Variants in MAP3K19 observed in about 807,000 individuals in gnomAD.
MAP3K19 encodes the protein mitogen-activated protein kinase kinase kinase 19.
A neutral mutation model predicts 114.4 loss-of-function variants in MAP3K19; 91 were observed. The ratio of observed to expected loss-of-function variants is 0.80; its 90% CI spans 0.67 to 0.95. The LOEUF is 0.95. Among genes scored for constraint, MAP3K19 ranks in the 40% least tolerant of loss-of-function variants. The pLI is 0.00. For missense variants in MAP3K19, 1,471 were observed against 1,573.2 expected (o/e 0.94, Z 1.10); for synonymous variants, 518 against 530.5 (o/e 0.98, Z 0.32).
intron 10 of MAP3K19, 62 bp from the exon 11 acceptor site, chr2:134,983,887 G>C: frequency 8.6e-7 from 1 of 1,167,184 alleles, no homozygotes; most frequent in Non-Finnish European, 1.2e-6. Flanking sequence ...TGGAGAGAAA[G>C]GGGTGAGAGT....
intron 2 of MAP3K19, among the ~76,000 whole-genome samples, chr2:135,039,337 C>G (rs1040451092): frequency 1.1e-4 from 16 of 151,530 alleles, no homozygotes; most frequent in African/African-American, 3.6e-4. Flanking sequence ...AATACCAGCA[C>G]TTTGTGAGGC....
chr2:135,018,374 T>C (rs1365534591), intron 5 of MAP3K19, among the ~76,000 whole-genome samples: 1 of 151,850 alleles, frequency 6.6e-6, no homozygotes, highest in Non-Finnish European at 1.5e-5. Flanking sequence ...GGGCCTCTTG[T>C]TGGCCAGGCT....
intron 5 of MAP3K19, among the ~76,000 whole-genome samples, chr2:135,019,500 A>T (rs1005580635): frequency 3.3e-5 from 5 of 152,128 alleles, no homozygotes; most frequent in African/African-American, 7.2e-5. Context: ...AAAATTTTTT[A>T]AATTAGCTGG....
chr2:135,037,674 T>C (rs1332295614), intron 2 of MAP3K19, among the ~76,000 whole-genome samples: 2 of 152,186 alleles, frequency 1.3e-5, no homozygotes, highest in Non-Finnish European at 2.9e-5. Context: ...ATTTGTATAG[T>C]GAATGGCCTT....
chr2:135,011,515 C>T (rs1006389435), intron 5 of MAP3K19, among the ~76,000 whole-genome samples: 3 of 128,668 alleles, frequency 2.3e-5, no homozygotes, highest in African/African-American at 6.2e-5. Flanking sequence ...CCAGCCTGGG[C>T]GACAGAGCGA....
Position 134,986,111 on chromosome 2 carries a change from G to T in MAP3K19, c.2761C>A (p.Gln921Lys), listed in dbSNP as rs1445985197. ...KQESASSQTY[Q>K]YWVHYLDHDS... ...TGATCCAAATAATGTACCCAATATT[G>T]ATATGTCTGGGAAGATGCACTTTCT... The change falls in exon 10 of 13, where the codon CAA becomes AAA. Residue 921 changes from glutamine (Q) to lysine (K), a missense_variant. Physicochemically the swap from Gln to Lys is moderately conservative, Grantham distance 53. Transcript: ENST00000392915. 1 of 1,613,816 alleles carries T rather than the reference G, an allele frequency of 6.2e-7. No individual in the cohort carries two copies. Among genetic ancestry groups the T allele is most frequent in the Non-Finnish European group, 8.5e-7 (1 of 1,179,862 alleles).
At chr2:135,001,097 C>G (rs1054289979) in intron 6 of MAP3K19, among the ~76,000 whole-genome samples, 2 of 150,506 alleles carry the variant, frequency 1.3e-5, no homozygotes, top group Admixed American at 1.3e-4. Flanking sequence ...ATTTTTATAC[C>G]TGTGCCATTT....
intron 8 of MAP3K19, 41 bp from the exon 9 acceptor site, chr2:134,991,621 G>A: frequency 1.3e-6 from 2 of 1,534,052 alleles, no homozygotes; most frequent in Non-Finnish European, 1.8e-6. Context: ...CTTAGTAGTA[G>A]AAAGAAAACA....
At chr2:135,020,463 G>A (rs1574037274) in intron 5 of MAP3K19, among the ~76,000 whole-genome samples, 1 of 152,218 alleles carries the variant, frequency 6.6e-6, no homozygotes, top group Non-Finnish European at 1.5e-5. Flanking sequence ...GCGACTACAG[G>A]CGTGTGCCAT....
intron 8 of MAP3K19, among the ~76,000 whole-genome samples, chr2:134,992,404 A>G (rs965197725): frequency 3.3e-5 from 5 of 152,074 alleles, no homozygotes; most frequent in African/African-American, 4.8e-5. Context: ...TCTTACCAAA[A>G]AGTCAGAATG....
intron 12 of MAP3K19, among the ~76,000 whole-genome samples, chr2:134,975,642 G>A (rs1684187188): frequency 6.6e-6 from 1 of 152,164 alleles, no homozygotes; most frequent in Non-Finnish European, 1.5e-5. Flanking sequence ...CCTGCTACTG[G>A]TGGAAGCAGA....
At chr2:135,029,935 A>T (rs911979135) in intron 3 of MAP3K19, among the ~76,000 whole-genome samples, 1 of 152,242 alleles carries the variant, frequency 6.6e-6, no homozygotes, top group Non-Finnish European at 1.5e-5. Context: ...CAGGATAAAG[A>T]TAATAACAGC....
At chr2:134,973,242 A>G (rs951275837) in intron 12 of MAP3K19, among the ~76,000 whole-genome samples, 1 of 152,220 alleles carries the variant, frequency 6.6e-6, no homozygotes, top group Non-Finnish European at 1.5e-5. Context: ...GTCCCCATCT[A>G]TGATTGTATT....
Position 135,024,606 on chromosome 2 carries a change from T to G in MAP3K19, c.22+20A>C, listed in dbSNP as rs1226663501. On this transcript the variant is annotated intron_variant, in intron 4 of 12. Coordinates refer to ENST00000392915, the MANE Select transcript of MAP3K19 (RefSeq NM_025052.5). ...AATTTTTGGGTTGGGAAATTATGCATGTGGAGTGAAAGTATTTACCTGGTT... is the reference window on the plus strand; with the variant it reads ...AATTTTTGGGTTGGGAAATTATGCAGGTGGAGTGAAAGTATTTACCTGGTT... 3 of 1,611,242 alleles carry G rather than the reference T, an allele frequency of 1.9e-6. No homozygotes were observed. The highest frequency in any genetic ancestry group is 2.5e-6 in the Non-Finnish European group (3 of 1,177,548).
Position 134,986,791 on chromosome 2 carries a change from C to T in MAP3K19, c.2081G>A (p.Gly694Asp), listed in dbSNP as rs746521424. Residue 694 changes from glycine to aspartate, a missense_variant, in exon 10 of 13, where the codon GGC becomes GAC. Transcript: ENST00000392915. The part of the protein sequence containing the change: ...YYREICSAPS[G>D]RRITNKCRSS... ...TCGACATTTATTGGTGATACGTCTG[C>T]CTGATGGAGCCGAACATATCTCACG... is the stretch of plus-strand genomic sequence containing the variant. 8.1e-6 allele frequency: 13 copies of T among 1,614,020 alleles called. No individual in the cohort carries two copies. The East Asian group carries it at 2.9e-4, about 36-fold the overall frequency.
Position 134,986,438 on chromosome 2 carries a change from C to T in MAP3K19, c.2434G>A (p.Glu812Lys), listed in dbSNP as rs1194442908. 4 of 1,613,908 alleles carry T rather than the reference C, an allele frequency of 2.5e-6. No homozygotes were observed. The highest frequency in any genetic ancestry group is 2.5e-6 in the Non-Finnish European group (3 of 1,180,044). Reference sequence around the variant, plus strand: ...CCAGTAGACTCTTCCATAGAAACTTCTTCAACAATGGATAAATCTGAGACA... The same window carrying T: ...CCAGTAGACTCTTCCATAGAAACTTTTTCAACAATGGATAAATCTGAGACA... ...PPVSDLSIVE[E>K]VSMEESTGDR... The change falls in exon 10 of 13, where the codon GAA becomes AAA. Residue 812 changes from glutamate to lysine, a missense_variant. Physicochemically the swap from Glu to Lys is moderately conservative, Grantham distance 56. Transcript: ENST00000392915.
In MAP3K19 at chr2:134,980,837, G is replaced by T; in HGVS notation, c.3904C>A (p.Arg1302Ser). The T allele has an allele frequency of 2.5e-6, 4 of 1,613,390 alleles. No homozygotes were observed. In the East Asian group the frequency reaches 6.7e-5, roughly 27 times the overall value. The change falls in exon 12 of 13, where the codon CGC becomes AGC. Residue 1302 changes from arginine to serine, a missense_variant. Transcript: ENST00000392915. ...HFSENAADFV[R>S]MCLTRDQHER... ...GTTTCTTACCTGGTCAGGCACATGCGCACAAAGTCTGCTGCATTTTCTGAG... is the reference window on the plus strand; with the variant it reads ...GTTTCTTACCTGGTCAGGCACATGCTCACAAAGTCTGCTGCATTTTCTGAG...
intron 11 of MAP3K19, among the ~76,000 whole-genome samples, chr2:134,982,732 C>G (rs552871082): frequency 9.2e-5 from 14 of 152,152 alleles, no homozygotes; most frequent in Admixed American, 1.3e-4. Context: ...GCTGGTTCAG[C>G]TCCCAAGCTC....
chr2:134,972,520 G>A (rs1573911339), intron 12 of MAP3K19, among the ~76,000 whole-genome samples: 1 of 151,882 alleles, frequency 6.6e-6, no homozygotes, highest in Admixed American at 6.6e-5. Flanking sequence ...ATGCAATGGT[G>A]CAATCATGGC....
Sources: gnomAD v4.1 joint callset for allele counts (sites outside exome capture counted in the v4.1 genomes callset) on GRCh38, gnomAD v4.1.1 for gene constraint, MANE v1.5 for transcripts, NCBI Gene and HGNC (gene_info 2026-07-23, HGNC 2026-07-21) for gene names.